The following NR1H4 variants were observed in gnomAD, a reference collection of about 807,000 sequenced individuals.
NR1H4 encodes the protein bile acid receptor.
A neutral mutation model predicts 58.5 loss-of-function variants in NR1H4; 23 were observed. The ratio of observed to expected loss-of-function variants is 0.39; its 90% CI spans 0.28 to 0.56. NR1H4 has a LOEUF of 0.56. Among genes scored for constraint, NR1H4 ranks in the 20% least tolerant of loss-of-function variants. NR1H4 has a pLI of 0.58. For synonymous variants in NR1H4, 214 were observed against 198.0 expected (o/e 1.08, Z -0.68); for missense variants, 487 against 576.9 (o/e 0.84, Z 1.60).
At chr12:100,487,192 AG>A (rs1295140693) in intron 1 of NR1H4, among the ~76,000 whole-genome samples, 1 of 152,192 alleles carries the variant, frequency 6.6e-6, no homozygotes, top group Admixed American at 6.5e-5. Flanking sequence ...ATGCTAATAA[AG>A]GTATGATGAG....
chr12:100,493,271 A>C lies in NR1H4; in HGVS notation c.-53A>C. Reference sequence around the variant, plus strand: ...ACAAACTATTTATTTTCCTTTCAGGAGTTTTTTTTGAAGACCACCATAAAG... The same window carrying C: ...ACAAACTATTTATTTTCCTTTCAGGCGTTTTTTTTGAAGACCACCATAAAG... On this transcript the variant is annotated splice_region_variant and 5_prime_UTR_variant, in exon 3 of 11. Coordinates refer to ENST00000392986, the MANE Select transcript of NR1H4 (RefSeq NM_001206979.2). 1 of 870,828 alleles carries C rather than the reference A, an allele frequency of 1.1e-6. No homozygotes were observed. Among genetic ancestry groups the C allele is most frequent in the Non-Finnish European group, 1.9e-6 (1 of 520,468 alleles). 53.9% of individuals were successfully genotyped at this position (870,828 alleles called of 1,614,324 possible). A position where few individuals can be genotyped will look rare whatever the true frequency, so the allele number is the denominator to read the frequency against.
rs56003034 is a variant in NR1H4 at position 100,505,156 on chromosome 12, A to G, written c.80-5622A>G. ...GCAATTCAACAGACATTCATTAAAC[A>G]TTTACTATGGTCAGCATTGTGCCAG... On this transcript the variant is annotated intron_variant, in intron 3 of 10. Coordinates refer to ENST00000392986, the MANE Select transcript of NR1H4 (RefSeq NM_001206979.2). Among the ~76,000 whole-genome samples the G allele has an allele frequency of 7.9e-3, 1,202 of 152,330 alleles. 9 individuals are homozygous for G. Among genetic ancestry groups the G allele is most frequent in the Middle Eastern group, 0.024 (7 of 294 alleles).
chr12:100,553,173 T>G (rs1450209171), intron 9 of NR1H4, among the ~76,000 whole-genome samples: 1 of 152,136 alleles, frequency 6.6e-6, no homozygotes, highest in Non-Finnish European at 1.5e-5. Context: ...TAATTTGTTG[T>G]ATTTTTAGTA....
intron 9 of NR1H4, among the ~76,000 whole-genome samples, chr12:100,545,671 C>CAAAAAAAAAAAA (rs1491301660): frequency 7.5e-5 from 4 of 53,306 alleles, no homozygotes; most frequent in African/African-American, 2.7e-4. Flanking sequence ...AAAAAAAAAC[C>CAAAAAAAAAAAA]AAACGGGGGG....
Position 100,563,519 on chromosome 12 carries a change from T to C in NR1H4, c.*30T>C, listed in dbSNP as rs1185003058. On this transcript the variant is annotated 3_prime_UTR_variant, in exon 11 of 11. Coordinates refer to ENST00000392986, the MANE Select transcript of NR1H4 (RefSeq NM_001206979.2). ...GATTACAGGGGAGGGGTCTAGCTCC[T>C]TTTTCTCTCTCATATTAATCTGATG... 1.3e-6 allele frequency: 2 copies of C among 1,497,528 alleles called. No homozygotes were observed. Among genetic ancestry groups the C allele is most frequent in the Non-Finnish European group, 1.9e-6 (2 of 1,073,594 alleles). The allele number at this position is 1,497,528 out of a possible 1,614,324, so 92.8% of individuals were successfully genotyped here.
intron 4 of NR1H4, among the ~76,000 whole-genome samples, chr12:100,523,346 A>G (rs11110410): frequency 0.037 from 5,606 of 152,200 alleles, 376 homozygotes; most frequent in East Asian, 0.29. Flanking sequence ...GGCCATTTGT[A>G]TGTGTTCTTT....
chr12:100,520,012 G>A lies in NR1H4; in HGVS notation c.445+8869G>A, dbSNP rs571246675. 1.6e-4 allele frequency among the ~76,000 whole-genome samples: 24 copies of A among 152,284 alleles called. No individual in the cohort carries two copies. In the South Asian group the frequency reaches 4.8e-3, roughly 30 times the overall value. ...CTACCTTAGTGAATGGAGGAATGAG[G>A]AAGGGCTGTGAGGAAAACCAGAGGA... On this transcript the variant is annotated intron_variant, in intron 4 of 10. Coordinates refer to ENST00000392986, the MANE Select transcript of NR1H4 (RefSeq NM_001206979.2).
At chr12:100,488,239 A>G (rs1953536250) in intron 1 of NR1H4, among the ~76,000 whole-genome samples, 1 of 152,048 alleles carries the variant, frequency 6.6e-6, no homozygotes. Flanking sequence ...ACCTCAAGTA[A>G]TCCGCCCACC....
At chr12:100,478,630 C>T (rs913874669) in intron 1 of NR1H4, among the ~76,000 whole-genome samples, 1 of 152,204 alleles carries the variant, frequency 6.6e-6, no homozygotes, top group East Asian at 1.9e-4. Context: ...CTTGTTTAAC[C>T]ACTTCCTAAT....
intron 10 of NR1H4, 98 bp downstream of exon 10, chr12:100,562,096 G>A (rs1593145048): frequency 4.4e-6 from 3 of 684,826 alleles, no homozygotes. Context: ...GAAATATAAA[G>A]AAAAAGTAAA....
At chr12:100,552,034 A>C (rs968406621) in intron 9 of NR1H4, among the ~76,000 whole-genome samples, 2 of 152,232 alleles carry the variant, frequency 1.3e-5, no homozygotes, top group Non-Finnish European at 2.9e-5. Flanking sequence ...GGTTGGTTGA[A>C]TCCATGGATA....
At chr12:100,526,240 T>G (rs1200753381) in intron 4 of NR1H4, among the ~76,000 whole-genome samples, 1 of 152,072 alleles carries the variant, frequency 6.6e-6, no homozygotes. Flanking sequence ...TTTTCTAGTT[T>G]CCTAAAGTGG....
chr12:100,510,962 C>G lies in NR1H4; in HGVS notation c.264C>G (p.Leu88=). Residue 88 remains leucine (L), a synonymous_variant, in exon 4 of 11, where the codon CTC becomes CTG. Coordinates refer to ENST00000392986, the MANE Select transcript of NR1H4 (RefSeq NM_001206979.2). ...EEWYSPGIYE[L]RRMPAETLYQ... ...GGTACTCTCCTGGAATATATGAACT[C>G]AGGCGTATGCCAGCTGAGACTCTCT... is the stretch of plus-strand genomic sequence containing the variant. 1 of 1,614,236 alleles carries G rather than the reference C, an allele frequency of 6.2e-7. No homozygotes were observed. Among genetic ancestry groups the G allele is most frequent in the Non-Finnish European group, 8.5e-7 (1 of 1,180,038 alleles).
intron 4 of NR1H4, among the ~76,000 whole-genome samples, chr12:100,523,727 C>T (rs1007279655): frequency 6.6e-5 from 10 of 152,148 alleles, no homozygotes; most frequent in African/African-American, 1.9e-4. Context: ...CTGGGTCATA[C>T]ACTGTTTTCA....
rs761992077 is a variant in NR1H4 at position 100,563,256 on chromosome 12, C to G, written c.1198C>G (p.Gln400Glu). 6 of 1,607,918 alleles carry G rather than the reference C, an allele frequency of 3.7e-6. No homozygotes were observed. In the South Asian group the frequency reaches 6.6e-5, roughly 18 times the overall value. Residue 400 changes from glutamine (Q) to glutamate (E), a missense_variant, in exon 11 of 11, where the codon CAA (glutamine) becomes GAA (glutamate). By Grantham distance (29) the Gln-to-Glu change is conservative. Transcript: ENST00000392986. ...TAIVILSPDR[Q>E]YIKDREAVEK... The stretch of plus-strand genomic sequence containing the variant: ...TATTTTAAACTTCAAAACAGATAGA[C>G]AATACATAAAGGATAGAGAGGCAGT...
chr12:100,531,392 A>G (rs1004649410), intron 4 of NR1H4, among the ~76,000 whole-genome samples: 5 of 152,136 alleles, frequency 3.3e-5, no homozygotes, highest in African/African-American at 9.7e-5. Flanking sequence ...GGAGGCAGAG[A>G]CTGCATGAGC....
At chr12:100,485,719 A>T (rs528262066) in intron 1 of NR1H4, among the ~76,000 whole-genome samples, 120 of 152,084 alleles carry the variant, frequency 7.9e-4, no homozygotes, top group Admixed American at 1.3e-3. Flanking sequence ...TTTGTAGTAG[A>T]GAAGGGATTT....
At chr12:100,522,746 A>T (rs1954459258) in intron 4 of NR1H4, among the ~76,000 whole-genome samples, 1 of 151,794 alleles carries the variant, frequency 6.6e-6, no homozygotes, top group Non-Finnish European at 1.5e-5. Context: ...TCTATTATAC[A>T]CTCTGTATAC....
At chr12:100,530,512 G>A (rs1246901336) in intron 4 of NR1H4, among the ~76,000 whole-genome samples, 2 of 152,188 alleles carry the variant, frequency 1.3e-5, no homozygotes, top group African/African-American at 4.8e-5. Context: ...GACACTAGAT[G>A]CTACATTCCA....
Sources: gnomAD v4.1 joint callset for allele counts (sites outside exome capture counted in the v4.1 genomes callset) on GRCh38, gnomAD v4.1.1 for gene constraint, MANE v1.5 for transcripts, NCBI Gene and HGNC (gene_info 2026-07-23, HGNC 2026-07-21) for gene names.